Variants in ZAP70 observed in about 807,000 individuals in gnomAD.
ZAP70 encodes the protein zeta chain of T cell receptor associated protein kinase 70.
In ZAP70, 27 loss-of-function variants were observed where a neutral mutation model predicts 65.8. The observed-to-expected ratio is 0.41, with a 90% CI of 0.30 to 0.57. The LOEUF is 0.57. Among genes scored for constraint, ZAP70 ranks in the 20% least tolerant of loss-of-function variants. The pLI, the probability that ZAP70 is intolerant of heterozygous loss-of-function variation, is 0.28. For missense variants in ZAP70, 696 were observed against 870.5 expected (o/e 0.80, Z 2.52); for synonymous variants, 363 against 360.8 (o/e 1.01, Z -0.07).
intron 10 of ZAP70, 32 bp downstream of exon 10, chr2:97,735,488 G>A (rs1677834840): frequency 6.3e-7 from 1 of 1,594,106 alleles, no homozygotes; most frequent in African/African-American, 1.3e-5. Flanking sequence ...CCATCGGGTG[G>A]GTGGGGCCGG....
chr2:97,735,178 G>A, intron 9 of ZAP70, 72 bp from the exon 10 acceptor site: 1 of 1,559,620 alleles, frequency 6.4e-7, no homozygotes, highest in Non-Finnish European at 8.8e-7. Context: ...AGAGAGATGG[G>A]TGGGTGGGGG....
chr2:97,722,204 C>T (rs1243550553), intron 2 of ZAP70, among the ~76,000 whole-genome samples: 1 of 152,136 alleles, frequency 6.6e-6, no homozygotes, highest in Admixed American at 6.5e-5. Context: ...CCTCAGCCTC[C>T]CAAGTAGCTG....
chr2:97,751,255 C>A, the ZAP70 span, among the ~76,000 whole-genome samples: 1 of 152,218 alleles, frequency 6.6e-6, no homozygotes, highest in South Asian at 2.1e-4. Context: ...TCTTTGTGTG[C>A]CTTTTGTACA....
chr2:97,733,875 C>T (rs1310705052), intron 8 of ZAP70: 7 of 559,972 alleles, frequency 1.3e-5, no homozygotes, highest in East Asian at 6.2e-5. Flanking sequence ...AGTCACGTTC[C>T]GAGGTCACTG....
chr2:97,720,404 A>ATT (rs934524627), intron 2 of ZAP70, among the ~76,000 whole-genome samples: 4 of 151,904 alleles, frequency 2.6e-5, no homozygotes, highest in African/African-American at 9.7e-5. Context: ...ATTTTTTTGT[A>ATT]TTTTTAATAG....
intron 2 of ZAP70, among the ~76,000 whole-genome samples, chr2:97,716,988 G>A (rs1676943059): frequency 6.6e-6 from 1 of 152,330 alleles, no homozygotes; most frequent in Non-Finnish European, 1.5e-5. Flanking sequence ...TCCATGATTT[G>A]AATCCAATCC....
the ZAP70 span, among the ~76,000 whole-genome samples, chr2:97,755,933 G>T: frequency 1.3e-5 from 2 of 152,246 alleles, no homozygotes; most frequent in Admixed American, 1.3e-4. Flanking sequence ...CGGTCAGCCT[G>T]ACCTGGGGCC....
the ZAP70 span, among the ~76,000 whole-genome samples, chr2:97,754,765 G>A: frequency 2.1e-4 from 32 of 152,268 alleles, no homozygotes; most frequent in South Asian, 6.2e-4. Context: ...AGCTTTACAC[G>A]TCATTATCTG....
the ZAP70 span, among the ~76,000 whole-genome samples, chr2:97,752,857 G>A: frequency 6.6e-6 from 1 of 152,170 alleles, no homozygotes; most frequent in Non-Finnish European, 1.5e-5. Context: ...CCTAATTTCT[G>A]GGATTGGTCT....
intron 4 of ZAP70, among the ~76,000 whole-genome samples, chr2:97,729,788 A>G (rs930223464): frequency 1.3e-5 from 2 of 151,966 alleles, no homozygotes; most frequent in African/African-American, 4.8e-5. Flanking sequence ...GATAACACCA[A>G]TGTCTTAGCT....
At chr2:97,724,527 G>A (rs560210342) in intron 3 of ZAP70, 89 bp downstream of exon 3, 14 of 1,521,472 alleles carry the variant, frequency 9.2e-6, no homozygotes, top group Non-Finnish European at 4.4e-6. Context: ...GGGAGGAAAA[G>A]GTCGTCTTCC....
Position 97,739,390 on chromosome 2 carries a change from C to T in ZAP70, c.1752C>T (p.Pro584=), listed in dbSNP as rs199627332. 9.9e-6 allele frequency: 16 copies of T among 1,613,400 alleles called. No individual in the cohort carries two copies. The highest frequency in any genetic ancestry group is 1.3e-5 in the African/African-American group (1 of 74,946). Residue 584 remains proline, a synonymous_variant, in exon 14 of 14, where the codon CCC becomes CCT. Coordinates refer to ENST00000264972, the MANE Select transcript of ZAP70 (RefSeq NM_001079.4). ...DCWIYKWEDR[P]DFLTVEQRMR... The stretch of plus-strand genomic sequence containing the variant: ...CGCCCCACAGGTGGGAGGATCGCCC[C>T]GACTTCCTGACCGTGGAGCAGCGCA...
chr2:97,741,587 C>T (rs759157570), downstream of ZAP70, among the ~76,000 whole-genome samples: 19 of 151,840 alleles, frequency 1.3e-4, no homozygotes, highest in African/African-American at 2.2e-4. Context: ...CCCAGGCTCC[C>T]TGGGTATGGA....
At chr2:97,741,616 G>A (rs893111024), downstream of ZAP70, among the ~76,000 whole-genome samples, 1 of 152,240 alleles carries the variant, frequency 6.6e-6, no homozygotes, top group Non-Finnish European at 1.5e-5. Flanking sequence ...GCTGAGGGAC[G>A]CAGTTTCTGA....
chr2:97,744,138 G>A (rs1678191348), downstream of ZAP70, among the ~76,000 whole-genome samples: 1 of 152,158 alleles, frequency 6.6e-6, no homozygotes, highest in Non-Finnish European at 1.5e-5. Flanking sequence ...ACACAGCTAG[G>A]AGGGAGAATT....
chr2:97,741,121 A>G (rs1379589204), downstream of ZAP70, among the ~76,000 whole-genome samples: 1 of 152,180 alleles, frequency 6.6e-6, no homozygotes, highest in Non-Finnish European at 1.5e-5. Context: ...TAATGGGAAT[A>G]CAATCGATCT....
At chr2:97,748,376 G>T in the ZAP70 span, among the ~76,000 whole-genome samples, 1 of 151,776 alleles carries the variant, frequency 6.6e-6, no homozygotes, top group East Asian at 1.9e-4. Context: ...GCTCTATTTT[G>T]TTTTTTTTAA....
intron 4 of ZAP70, among the ~76,000 whole-genome samples, chr2:97,726,714 A>G (rs374288896): frequency 6.6e-6 from 1 of 152,244 alleles, no homozygotes; most frequent in African/African-American, 2.4e-5. Flanking sequence ...ATTCAGATTT[A>G]GGCTGTAAAT....
chr2:97,755,932 T>C, the ZAP70 span, among the ~76,000 whole-genome samples: 1 of 152,248 alleles, frequency 6.6e-6, no homozygotes, highest in Non-Finnish European at 1.5e-5. Context: ...GCGGTCAGCC[T>C]GACCTGGGGC....
Sources: allele counts gnomAD v4.1 joint callset (sites outside exome capture counted in the v4.1 genomes callset), GRCh38; gene constraint gnomAD v4.1.1; transcripts MANE v1.5; gene names NCBI Gene and HGNC (gene_info 2026-07-23, HGNC 2026-07-21).